Variants in TCERG1L observed in about 807,000 individuals in gnomAD.
TCERG1L encodes the protein transcription elongation regulator 1 like.
Under a neutral mutation model 56.3 loss-of-function variants are expected in TCERG1L, and 37 were observed. That is an observed-to-expected ratio of 0.66 (90% CI 0.51 to 0.87). TCERG1L has a LOEUF of 0.87. Ranked by LOEUF, TCERG1L falls within the 40% of genes least tolerant of loss-of-function variation. The probability of loss-of-function intolerance (pLI) is 0.00; values close to 1 mark genes in which losing one functional copy is unlikely to be tolerated. For missense variants in TCERG1L, 799 were observed against 774.2 expected (o/e 1.03, Z -0.38); for synonymous variants, 324 against 326.3 (o/e 0.99, Z 0.08).
At chr10:131,156,048 G>C (rs1388135435) in intron 6 of TCERG1L, 1 of 152,206 alleles carries the variant, frequency 6.6e-6, no homozygotes, top group East Asian at 1.9e-4. Flanking sequence ...TCCTCCCTCA[G>C]CTTAGCGAGT....
chr10:131,134,439 C>T lies in TCERG1L; in HGVS notation c.1199G>A (p.Ser400Asn), dbSNP rs1405495955. 2 of 1,591,102 alleles carry T rather than the reference C, an allele frequency of 1.3e-6. No individual in the cohort carries two copies. Among genetic ancestry groups the T allele is most frequent in the East Asian group, 2.3e-5 (1 of 44,264 alleles). Reference protein sequence around the residue: ...RKLEAPATDNSDGSSSEDNRE... With the variant: ...RKLEAPATDNNDGSSSEDNRE... ...GTTGTCTTCAGAACTGGACCCATCG[C>T]TGTTGTCAGCTGAAAGAAAATCAGA... Residue 400 changes from serine to asparagine, a missense_variant, in exon 8 of 12, where the codon AGC becomes AAC. Transcript: ENST00000368642.
intron 4 of TCERG1L, among the ~76,000 whole-genome samples, chr10:131,252,187 T>C (rs1157486467): frequency 6.6e-6 from 1 of 152,172 alleles, no homozygotes; most frequent in East Asian, 1.9e-4. Context: ...ACTTCCACCA[T>C]TTGTGGGAAA....
At chr10:131,294,959 C>T (rs1279902196) in intron 3 of TCERG1L, among the ~76,000 whole-genome samples, 2 of 152,104 alleles carry the variant, frequency 1.3e-5, no homozygotes, top group Non-Finnish European at 2.9e-5. Context: ...ATCCCCAAAC[C>T]TGCCCTCTGA....
intron 8 of TCERG1L, 144 bp from the exon 9 acceptor site, chr10:131,117,078 C>T (rs1845467445): frequency 1.7e-6 from 2 of 1,160,616 alleles, no homozygotes; most frequent in Non-Finnish European, 2.4e-6. Flanking sequence ...AGGCGGTCTC[C>T]CTCGCAAAGA....
At chr10:131,174,847 C>CGATCATGAGAATTTGCCT (rs1846130818) in intron 4 of TCERG1L, among the ~76,000 whole-genome samples, 1 of 150,166 alleles carries the variant, frequency 6.7e-6, no homozygotes, top group East Asian at 1.9e-4. Context: ...GGACTCAGCC[C>CGATCATGAGAATTTGCCT]GATCATGAGA....
intron 3 of TCERG1L, among the ~76,000 whole-genome samples, chr10:131,285,537 G>A (rs201007494): frequency 1.7e-5 from 2 of 116,892 alleles, no homozygotes; most frequent in African/African-American, 6.9e-5. Context: ...AGAAAGAAAA[G>A]AAAAGAAAGA....
intron 4 of TCERG1L, among the ~76,000 whole-genome samples, chr10:131,189,662 T>C (rs1845284219): frequency 6.6e-6 from 1 of 152,170 alleles, no homozygotes; most frequent in Non-Finnish European, 1.5e-5. Flanking sequence ...ATCTTTTTGG[T>C]ATATTGATTT....
intron 4 of TCERG1L, among the ~76,000 whole-genome samples, chr10:131,226,934 C>T (rs1845795895): frequency 1.3e-5 from 2 of 152,254 alleles, no homozygotes; most frequent in South Asian, 2.1e-4. Context: ...CCTCCCACCT[C>T]CTGGAGTCGC....
chr10:131,179,012 T>C (rs773670388), intron 4 of TCERG1L, among the ~76,000 whole-genome samples: 30 of 152,244 alleles, frequency 2.0e-4, no homozygotes, highest in Admixed American at 4.6e-4. Context: ...CGTCTCATGA[T>C]GGCACCAGCC....
intron 3 of TCERG1L, among the ~76,000 whole-genome samples, chr10:131,289,214 C>T (rs1052506287): frequency 3.3e-5 from 5 of 151,294 alleles, no homozygotes; most frequent in African/African-American, 9.7e-5. Context: ...GACAAGACAG[C>T]GTTATCTTCA....
At chr10:131,280,203 T>C (rs1846436212) in intron 3 of TCERG1L, among the ~76,000 whole-genome samples, 1 of 151,194 alleles carries the variant, frequency 6.6e-6, no homozygotes, top group Non-Finnish European at 1.5e-5. Flanking sequence ...AAGAGAGGAA[T>C]GGTTGCATTC....
At chr10:131,223,063 C>T (rs1485836966) in intron 4 of TCERG1L, among the ~76,000 whole-genome samples, 6 of 152,192 alleles carry the variant, frequency 3.9e-5, no homozygotes, top group Non-Finnish European at 7.3e-5. Context: ...ATTCTTAGTG[C>T]CCCTGATCAA....
intron 4 of TCERG1L, among the ~76,000 whole-genome samples, chr10:131,188,886 A>C (rs747445645): frequency 6.6e-6 from 1 of 152,206 alleles, no homozygotes; most frequent in Non-Finnish European, 1.5e-5. Flanking sequence ...GAGTTTCCTT[A>C]GTTATTTTAC....
At chr10:131,165,133 C>T (rs1196755417) in intron 5 of TCERG1L, among the ~76,000 whole-genome samples, 1 of 152,220 alleles carries the variant, frequency 6.6e-6, no homozygotes, top group African/African-American at 2.4e-5. Context: ...TCTAATGTGG[C>T]TATTTGGCAG....
chr10:131,153,290 C>T (rs1327903263), intron 6 of TCERG1L, among the ~76,000 whole-genome samples: 4 of 152,100 alleles, frequency 2.6e-5, no homozygotes, highest in East Asian at 1.9e-4. Context: ...TGAATTTCCC[C>T]GGATGTCCTA....
At chr10:131,236,123 C>G (rs1473011285) in intron 4 of TCERG1L, among the ~76,000 whole-genome samples, 1 of 152,188 alleles carries the variant, frequency 6.6e-6, no homozygotes, top group Non-Finnish European at 1.5e-5. Context: ...GCACTCCCAT[C>G]TCCAAAGATA....
At chr10:131,229,230 T>C (rs1013622511) in intron 4 of TCERG1L, among the ~76,000 whole-genome samples, 1 of 152,262 alleles carries the variant, frequency 6.6e-6, no homozygotes, top group African/African-American at 2.4e-5. Context: ...CTGCTTTGAC[T>C]CTGGGCCGTC....
chr10:131,117,975 C>T (rs931534195), intron 8 of TCERG1L, among the ~76,000 whole-genome samples: 4 of 152,104 alleles, frequency 2.6e-5, no homozygotes, highest in Non-Finnish European at 4.4e-5. Context: ...GCAGGTCCGT[C>T]GGCTGCCACC....
chr10:131,222,690 G>C (rs1845746999), intron 4 of TCERG1L, among the ~76,000 whole-genome samples: 1 of 152,228 alleles, frequency 6.6e-6, no homozygotes, highest in Non-Finnish European at 1.5e-5. Flanking sequence ...ACTCAGGAAA[G>C]ACTATGTCTA....
Sources: allele counts gnomAD v4.1 joint callset (sites outside exome capture counted in the v4.1 genomes callset), GRCh38; gene constraint gnomAD v4.1.1; transcripts MANE v1.5; gene names NCBI Gene and HGNC (gene_info 2026-07-23, HGNC 2026-07-21).